The following SERPINB5 variants were observed in gnomAD, a reference collection of about 807,000 sequenced individuals.
The protein encoded by SERPINB5 is serpin B5.
A neutral mutation model predicts 32.2 loss-of-function variants in SERPINB5; 27 were observed. That is an observed-to-expected ratio of 0.84 (90% CI 0.62 to 1.16). SERPINB5 has a LOEUF of 1.16. Ranked by LOEUF, SERPINB5 falls within the 50% of genes most tolerant of loss-of-function variation. The pLI is 0.00. For missense variants in SERPINB5, 388 were observed against 436.3 expected (o/e 0.89, Z 0.99); for synonymous variants, 154 against 157.4 (o/e 0.98, Z 0.16).
At chr18:63,493,386 A>C in intron 5 of SERPINB5, 1 of 557,118 alleles carries the variant, frequency 1.8e-6, no homozygotes, top group Non-Finnish European at 3.2e-6. Flanking sequence ...AGCTACAAAC[A>C]TCTGAGAACT....
intron 5 of SERPINB5, among the ~76,000 whole-genome samples, chr18:63,494,635 T>C (rs1037278819): frequency 2.0e-5 from 3 of 152,232 alleles, no homozygotes; most frequent in African/African-American, 4.8e-5. Context: ...ACCTTCTTAA[T>C]GCTAGCATCC....
At chr18:63,500,982 G>A (rs1435569213) in intron 6 of SERPINB5, among the ~76,000 whole-genome samples, 3 of 150,302 alleles carry the variant, frequency 2.0e-5, no homozygotes, top group Non-Finnish European at 4.4e-5. Flanking sequence ...TTCTTAAAAC[G>A]CCCTCCAATA....
intron 4 of SERPINB5, 139 bp from the exon 5 acceptor site, chr18:63,492,814 A>T: frequency 9.4e-7 from 1 of 1,058,578 alleles, no homozygotes; most frequent in Non-Finnish European, 1.4e-6. Flanking sequence ...AGTCCTTCTG[A>T]AATTTGATGG....
At chr18:63,484,080 A>G (rs959440464) in intron 1 of SERPINB5, among the ~76,000 whole-genome samples, 1 of 152,228 alleles carries the variant, frequency 6.6e-6, no homozygotes, top group African/African-American at 2.4e-5. Context: ...AATATGTGAT[A>G]AATAAAACCA....
intron 3 of SERPINB5, among the ~76,000 whole-genome samples, chr18:63,488,858 G>A (rs2144498787): frequency 6.6e-6 from 1 of 152,218 alleles, no homozygotes; most frequent in South Asian, 2.1e-4. Flanking sequence ...GTCTGGGGTG[G>A]GGTCTGAGAT....
intron 5 of SERPINB5, among the ~76,000 whole-genome samples, chr18:63,495,651 T>G (rs1909432054): frequency 6.6e-6 from 1 of 152,232 alleles, no homozygotes; most frequent in South Asian, 2.1e-4. Flanking sequence ...ATTAAGAAAG[T>G]ATTAACGTGT....
chr18:63,479,127 T>C (rs930236295), intron 1 of SERPINB5, among the ~76,000 whole-genome samples: 5 of 152,196 alleles, frequency 3.3e-5, no homozygotes, highest in Non-Finnish European at 4.4e-5. Context: ...ACGCCCGTGA[T>C]GTGTGGGTGA....
rs145348618 is a variant in SERPINB5, at chr18:63,479,122, C to T, written c.-8+2077C>T. Among the ~76,000 whole-genome samples the T allele has an allele frequency of 8.3e-3, 1,260 of 152,106 alleles. 17 individuals carry two copies. The highest frequency in any genetic ancestry group is 0.028 in the African/African-American group (1,176 of 41,474). On this transcript the variant is annotated intron_variant, in intron 1 of 6. Transcript: ENST00000382771. ...ATAGCTCTGTTTAAATATGCACGCCCGTGATGTGTGGGTGAAGAGTGTGGT... is the reference window on the plus strand; with the variant it reads ...ATAGCTCTGTTTAAATATGCACGCCTGTGATGTGTGGGTGAAGAGTGTGGT...
intron 1 of SERPINB5, 52 bp from the exon 2 acceptor site, chr18:63,484,370 A>T: frequency 6.7e-7 from 1 of 1,503,706 alleles, no homozygotes; most frequent in South Asian, 1.3e-5. Flanking sequence ...TGCAGTTGAG[A>T]AGACGTTAAA....
At position 63,503,701 on chromosome 18, in the gene SERPINB5, T is replaced by G. The variant is rs781491743; in HGVS notation, c.1107T>G (p.Phe369Leu). ...ACAAAACTCGAAACATTATTTTCTT[T>G]GGCAAATTCTGTTCTCCTTAAGTGG... is the stretch of plus-strand genomic sequence containing the variant. ...RHNKTRNIIF[F>L]GKFCSP The change falls in exon 7 of 7, where the codon TTT becomes TTG. Residue 369 changes from phenylalanine to leucine, a missense_variant. Phe to Leu is a conservative substitution (Grantham distance 22). Coordinates refer to ENST00000382771, the MANE Select transcript of SERPINB5 (RefSeq NM_002639.5). 2 of 1,614,190 alleles carry G rather than the reference T, an allele frequency of 1.2e-6. No homozygotes were observed. The highest frequency in any genetic ancestry group is 1.1e-5 in the South Asian group (1 of 91,076).
At chr18:63,501,258 G>T (rs9946828) in intron 6 of SERPINB5, among the ~76,000 whole-genome samples, 59,038 of 145,964 alleles carry the variant, frequency 0.4, 12,553 homozygotes, top group Non-Finnish European at 0.49. Flanking sequence ...GTGTTCTCAT[G>T]GTTCAATTCC....
chr18:63,498,555 T>C lies in SERPINB5; in HGVS notation c.568-565T>C, dbSNP rs1029209281. On this transcript the variant is annotated intron_variant, in intron 5 of 6. Transcript: ENST00000382771. This position sits in a 1 kb window ranked among gnomAD's most constrained non-coding sequence, Gnocchi z 4.2. Reference sequence around the variant, plus strand: ...ATACAGTCTTATTTTTAAGGTTTGATCTATGCAAATACAGTATTATATATA... The same window carrying C: ...ATACAGTCTTATTTTTAAGGTTTGACCTATGCAAATACAGTATTATATATA... 6.6e-5 allele frequency among the ~76,000 whole-genome samples: 10 copies of C among 152,200 alleles called. No individual in the cohort carries two copies. The highest frequency in any genetic ancestry group is 2.4e-4 in the African/African-American group (10 of 41,440).
At chr18:63,486,876 CA>C (rs1195754679) in intron 2 of SERPINB5, 69 bp from the exon 3 acceptor site, 1 of 1,539,696 alleles carries the variant, frequency 6.5e-7, no homozygotes, top group African/African-American at 1.4e-5. Context: ...TGGTCATTAT[CA>C]CGTGTCCACT....
At position 63,503,470 on chromosome 18, in the gene SERPINB5, G is replaced by T. The variant is rs138711296; in HGVS notation, c.876G>T (p.Gly292=). ...IDPKACLENL[G]LKHIFSEDTS... is the part of the protein sequence containing the mutation. ...CCAAGGCTTGTCTGGAAAATCTAGG[G>T]CTGAAACATATCTTCAGTGAAGACA... is the stretch of plus-strand genomic sequence containing the variant. The change falls in exon 7 of 7, where the codon GGG becomes GGT. Residue 292 remains glycine (G), a synonymous_variant. Coordinates refer to ENST00000382771, the MANE Select transcript of SERPINB5 (RefSeq NM_002639.5). 9 of 1,614,078 alleles carry T rather than the reference G, an allele frequency of 5.6e-6. No homozygotes were observed. In the African/African-American group the frequency reaches 1.2e-4, roughly 22 times the overall value.
At chr18:63,493,117 A>G (rs745499262) in intron 5 of SERPINB5, 22 bp downstream of exon 5, 1 of 1,614,100 alleles carries the variant, frequency 6.2e-7, no homozygotes, top group South Asian at 1.1e-5. Context: ...AGCATGTAGC[A>G]GTAAAAGGAG....
At chr18:63,488,067 T>C (rs1275385565) in intron 3 of SERPINB5, among the ~76,000 whole-genome samples, 1 of 152,056 alleles carries the variant, frequency 6.6e-6, no homozygotes, top group East Asian at 1.9e-4. Context: ...ACAACATTTC[T>C]AGAAGCTCCC....
At position 63,503,735 on chromosome 18, in the gene SERPINB5, A is replaced by G. The variant is rs1227453524; in HGVS notation, c.*13A>G. ...CTGTTCTCCTTAAGTGGCATAGCCC[A>G]TGTTAAGTCCTCCCTGACTTTTCTG... On this transcript the variant is annotated 3_prime_UTR_variant, in exon 7 of 7. Transcript: ENST00000382771. 10 of 1,612,688 alleles carry G rather than the reference A, an allele frequency of 6.2e-6. No homozygotes were observed. The highest frequency in any genetic ancestry group is 2.2e-5 in the East Asian group (1 of 44,876).
intron 3 of SERPINB5, among the ~76,000 whole-genome samples, chr18:63,488,165 T>C (rs1917243433): frequency 6.6e-6 from 1 of 152,200 alleles, no homozygotes; most frequent in Non-Finnish European, 1.5e-5. Flanking sequence ...TGAGGCTTTC[T>C]AATGTTTTCA....
intron 4 of SERPINB5, among the ~76,000 whole-genome samples, chr18:63,490,261 G>A (rs1909298504): frequency 6.6e-6 from 1 of 152,042 alleles, no homozygotes; most frequent in African/African-American, 2.4e-5. Context: ...TCCCCATGCT[G>A]GTCGTTCCTC....
Sources: gnomAD v4.1 joint callset for allele counts (sites outside exome capture counted in the v4.1 genomes callset) on GRCh38, gnomAD v4.1.1 for gene constraint, Gnocchi (gnomAD v3.1) non-coding constraint, MANE v1.5 for transcripts, NCBI Gene and HGNC (gene_info 2026-07-23, HGNC 2026-07-21) for gene names.